Variants in DAB1 observed in about 807,000 individuals in gnomAD.
The protein encoded by DAB1 is DAB adaptor protein 1, also known as disabled homolog 1.
In DAB1, 15 loss-of-function variants were observed where a neutral mutation model predicts 64.6. The ratio of observed to expected loss-of-function variants is 0.23; its 90% CI spans 0.16 to 0.36. DAB1 has a LOEUF of 0.36. DAB1 is among the 10% of genes least tolerant of loss of function. The pLI, the probability that DAB1 is intolerant of heterozygous loss-of-function variation, is 1.00. For missense variants in DAB1, 596 were observed against 706.7 expected, an observed-to-expected ratio of 0.84 and a Z score of 1.78; for synonymous variants, 235 against 251.9, an observed-to-expected ratio of 0.93 and a Z score of 0.64.
intron 2 of DAB1, among the ~76,000 whole-genome samples, chr1:57,161,296 G>A (rs1025129159): frequency 5.3e-5 from 8 of 152,156 alleles, no homozygotes; most frequent in African/African-American, 1.9e-4. Context: ...ATTCCAAGAG[G>A]CTAAGCCTAA....
At chr1:57,570,661 T>C (rs1645183700) in intron 7 of DAB1, among the ~76,000 whole-genome samples, 1 of 152,284 alleles carries the variant, frequency 6.6e-6, no homozygotes, top group African/African-American at 2.4e-5. Context: ...ATACAGGCTC[T>C]TTTTTAATTC....
intron 1 of DAB1, chr1:58,541,614 C>CAAAAAAAAAAAAAAAA (rs60360589): frequency 6.1e-5 from 4 of 65,632 alleles, no homozygotes; most frequent in African/African-American, 5.9e-5. Context: ...GAGAACCTGT[C>CAAAAAAAAAAAAAAAA]AAAAAAAAAA....
Position 57,182,459 on chromosome 1 carries a change from A to G in DAB1, c.68-37030T>C, listed in dbSNP as rs113560371. On this transcript the variant is annotated intron_variant, in intron 2 of 14. Coordinates refer to ENST00000371236, the MANE Select transcript of DAB1 (RefSeq NM_001365792.1). ...AGCAGATACGGGGCTAGAGCCCACA[A>G]CTGCCTGTGCACTCTACATTGTATC... Among the ~76,000 whole-genome samples, 1,418 of 152,322 alleles carry G rather than the reference A, an allele frequency of 9.3e-3. 23 individuals carry two copies. Among genetic ancestry groups the G allele is most frequent in the African/African-American group, 0.033 (1,355 of 41,568 alleles).
At chr1:57,315,810 T>C (rs1343699450) in intron 1 of DAB1, among the ~76,000 whole-genome samples, 2 of 152,204 alleles carry the variant, frequency 1.3e-5, no homozygotes, top group East Asian at 3.9e-4. Flanking sequence ...CCACCTATTA[T>C]ATGATCTTTA....
At chr1:57,072,261 C>T in intron 5 of DAB1, 22 bp downstream of exon 5, 1 of 1,611,952 alleles carries the variant, frequency 6.2e-7, no homozygotes, top group Non-Finnish European at 8.5e-7. Flanking sequence ...GAAAGACTCC[C>T]TTCTTGGATA....
chr1:58,308,907 A>C (rs1011005312), intron 4 of DAB1, among the ~76,000 whole-genome samples: 1 of 152,208 alleles, frequency 6.6e-6, no homozygotes, highest in African/African-American at 2.4e-5. Context: ...GAGAAAGATG[A>C]CGTTTATTCC....
chr1:58,116,569 C>T (rs766491049), intron 5 of DAB1, among the ~76,000 whole-genome samples: 3 of 152,164 alleles, frequency 2.0e-5, no homozygotes, highest in Admixed American at 2.0e-4. Context: ...ATAGGATTTG[C>T]CTGATGAGTG....
chr1:57,167,917 C>T (rs1442946103), intron 2 of DAB1, among the ~76,000 whole-genome samples: 28 of 152,184 alleles, frequency 1.8e-4, no homozygotes, highest in Admixed American at 1.8e-3. Flanking sequence ...ATGTAGGTAA[C>T]ATTTGTCCAG....
At chr1:58,543,172 T>C (rs1300265393) in intron 1 of DAB1, among the ~76,000 whole-genome samples, 1 of 152,190 alleles carries the variant, frequency 6.6e-6, no homozygotes, top group Non-Finnish European at 1.5e-5. Flanking sequence ...CCCAAAATAA[T>C]GCGCTTTCTT....
chr1:57,072,062 G>GT (rs60921398), intron 5 of DAB1, among the ~76,000 whole-genome samples: 1 of 104,612 alleles, frequency 9.6e-6, no homozygotes, highest in Non-Finnish European at 1.9e-5. Flanking sequence ...ATACCCATTA[G>GT]TTAAAAAAAA....
chr1:57,072,521 T>C, intron 4 of DAB1, 107 bp from the exon 5 acceptor site: 1 of 1,229,342 alleles, frequency 8.1e-7, no homozygotes, highest in Non-Finnish European at 1.1e-6. Flanking sequence ...CGAAGGGCTT[T>C]GGAAAAGCTG....
intron 5 of DAB1, among the ~76,000 whole-genome samples, chr1:58,063,989 T>C (rs183077492): frequency 5.4e-4 from 82 of 152,248 alleles, no homozygotes; most frequent in Non-Finnish European, 9.1e-4. Context: ...AGGGTGTTTA[T>C]TATTTCTTCC....
chr1:58,005,674 T>A (rs963055433), intron 5 of DAB1, among the ~76,000 whole-genome samples: 11 of 148,114 alleles, frequency 7.4e-5, no homozygotes, highest in Non-Finnish European at 1.5e-4. Context: ...GAACAAGACA[T>A]AAATAGCAAG....
At chr1:57,347,046 A>C (rs1469350787) in intron 1 of DAB1, among the ~76,000 whole-genome samples, 1 of 152,228 alleles carries the variant, frequency 6.6e-6, no homozygotes, top group African/African-American at 2.4e-5. Flanking sequence ...CATAAAAGCT[A>C]TGATATCAAC....
At chr1:57,227,603 C>T (rs186466689) in intron 2 of DAB1, among the ~76,000 whole-genome samples, 93 of 151,172 alleles carry the variant, frequency 6.2e-4, no homozygotes, top group African/African-American at 2.2e-3. Context: ...GTCACCCAGG[C>T]TGGAGGGCAG....
At chr1:57,036,026 A>G (rs914429045) in intron 9 of DAB1, among the ~76,000 whole-genome samples, 1 of 151,712 alleles carries the variant, frequency 6.6e-6, no homozygotes, top group African/African-American at 2.4e-5. Flanking sequence ...TATTTTTAGT[A>G]GAGACGGGGT....
intron 1 of DAB1, among the ~76,000 whole-genome samples, chr1:57,315,745 G>T (rs12028379): frequency 4.6e-5 from 7 of 152,048 alleles, no homozygotes; most frequent in Non-Finnish European, 1.0e-4. Context: ...CTCGTGATCC[G>T]CCCGCCTTGG....
chr1:57,132,738 C>A (rs1466646222), intron 4 of DAB1, among the ~76,000 whole-genome samples: 1 of 152,126 alleles, frequency 6.6e-6, no homozygotes, highest in Non-Finnish European at 1.5e-5. Context: ...ATGGGTTATA[C>A]TGTCAACATT....
chr1:58,466,067 G>A (rs763239015), intron 3 of DAB1, among the ~76,000 whole-genome samples: 6 of 152,066 alleles, frequency 3.9e-5, no homozygotes, highest in Admixed American at 1.3e-4. Flanking sequence ...ACTGCCCAGC[G>A]GTCCCCACAA....
Sources: allele counts gnomAD v4.1 joint callset (sites outside exome capture counted in the v4.1 genomes callset), GRCh38; gene constraint gnomAD v4.1.1; transcripts MANE v1.5; gene names NCBI Gene and HGNC (gene_info 2026-07-23, HGNC 2026-07-21).